The following CA1 variants were observed in gnomAD, a reference collection of about 807,000 sequenced individuals.
The protein encoded by CA1 is carbonate dehydratase I.
CA1 carries 27 observed loss-of-function variants against 28.8 expected under a neutral mutation model. The observed-to-expected ratio is 0.94, with a 90% CI of 0.69 to 1.29. The LOEUF (loss-of-function observed/expected upper bound fraction) is 1.29, where lower values mean the gene tolerates loss of function less well. CA1 is among the 50% of genes most tolerant of loss of function. The pLI is 0.00. For synonymous variants in CA1, 121 were observed against 108.8 expected, an observed-to-expected ratio of 1.11 and a Z score of -0.70; for missense variants, 335 against 310.5, an observed-to-expected ratio of 1.08 and a Z score of -0.59.
intron 1 of CA1, among the ~76,000 whole-genome samples, chr8:85,349,245 A>T (rs942032745): frequency 5.9e-5 from 9 of 152,174 alleles, no homozygotes; most frequent in Non-Finnish European, 7.4e-5. Flanking sequence ...TGTAACTTTT[A>T]AGAAGTTCGG....
intron 1 of CA1, among the ~76,000 whole-genome samples, chr8:85,372,161 C>T (rs769430520): frequency 9.2e-5 from 14 of 151,974 alleles, no homozygotes; most frequent in Non-Finnish European, 1.6e-4. Flanking sequence ...AAATCATGGA[C>T]GATGGACCAT....
intron 1 of CA1, among the ~76,000 whole-genome samples, chr8:85,363,679 A>G (rs1013557618): frequency 3.9e-5 from 6 of 152,010 alleles, no homozygotes; most frequent in Non-Finnish European, 7.4e-5. Context: ...TTTCATCACC[A>G]TTGCCTCTTA....
intron 1 of CA1, among the ~76,000 whole-genome samples, chr8:85,346,033 A>G (rs1465337013): frequency 2.0e-5 from 3 of 152,170 alleles, no homozygotes; most frequent in Admixed American, 6.5e-5. Flanking sequence ...TTTTTAACAC[A>G]GTTGTTAAAT....
At chr8:85,365,934 C>T (rs1180451188) in intron 1 of CA1, among the ~76,000 whole-genome samples, 1 of 152,066 alleles carries the variant, frequency 6.6e-6, no homozygotes, top group African/African-American at 2.4e-5. Context: ...TGATGTTTTG[C>T]CCTGGGATAA....
chr8:85,358,209 G>A (rs1459670498), intron 1 of CA1, among the ~76,000 whole-genome samples: 6 of 152,074 alleles, frequency 3.9e-5, no homozygotes, highest in African/African-American at 1.4e-4. Context: ...CCAAGGTTGA[G>A]GTATGGCCAG....
chr8:85,341,833 T>A (rs1496531), intron 1 of CA1, 174 bp from the exon 2 acceptor site: 296,166 of 540,642 alleles, frequency 0.55, 84,099 homozygotes, highest in Non-Finnish European at 0.6. Flanking sequence ...TTGTAAAAAA[T>A]TCTACAAGGG....
chr8:85,368,692 T>A (rs1020824937), intron 1 of CA1, among the ~76,000 whole-genome samples: 1 of 152,152 alleles, frequency 6.6e-6, no homozygotes, highest in African/African-American at 2.4e-5. Flanking sequence ...ATTAAACTTT[T>A]TTTTGGAGAA....
At chr8:85,359,801 A>G (rs1316176426) in intron 1 of CA1, among the ~76,000 whole-genome samples, 3 of 152,238 alleles carry the variant, frequency 2.0e-5, no homozygotes, top group Non-Finnish European at 4.4e-5. Context: ...AAATGTGGGC[A>G]TGTATCTTAT....
chr8:85,334,829 A>G (rs1350071679), intron 4 of CA1, among the ~76,000 whole-genome samples: 1 of 150,608 alleles, frequency 6.6e-6, no homozygotes, highest in Non-Finnish European at 1.5e-5. Flanking sequence ...CATCTCTACT[A>G]AAAATACAAA....
chr8:85,338,167 T>C (rs1197719921), intron 3 of CA1, 85 bp downstream of exon 3: 38 of 1,105,414 alleles, frequency 3.4e-5, no homozygotes, highest in Admixed American at 5.1e-5. Context: ...AGACTTAGAA[T>C]GGGTGTCATA....
At chr8:85,353,462 G>T (rs1177610584) in intron 1 of CA1, among the ~76,000 whole-genome samples, 1 of 151,478 alleles carries the variant, frequency 6.6e-6, no homozygotes, top group Non-Finnish European at 1.5e-5. Flanking sequence ...CATATACATG[G>T]GTATAACTGC....
intron 1 of CA1, among the ~76,000 whole-genome samples, chr8:85,349,588 A>G (rs933618668): frequency 2.0e-5 from 3 of 152,146 alleles, no homozygotes; most frequent in African/African-American, 4.8e-5. Flanking sequence ...TGGGGTATGG[A>G]CCACCATTAT....
At chr8:85,339,002 C>T (rs1808803337) in intron 2 of CA1, among the ~76,000 whole-genome samples, 1 of 152,056 alleles carries the variant, frequency 6.6e-6, no homozygotes, top group African/African-American at 2.4e-5. Context: ...AAGCATGAGC[C>T]ACTGCACCCG....
chr8:85,356,017 A>T (rs1260156872), intron 1 of CA1, among the ~76,000 whole-genome samples: 1 of 152,164 alleles, frequency 6.6e-6, no homozygotes, highest in African/African-American at 2.4e-5. Context: ...TGAAATTGAA[A>T]TATTTTGTCA....
At chr8:85,334,561 C>A (rs1808558128) in intron 4 of CA1, among the ~76,000 whole-genome samples, 1 of 151,958 alleles carries the variant, frequency 6.6e-6, no homozygotes, top group Non-Finnish European at 1.5e-5. Flanking sequence ...CTTATTTAAT[C>A]TCTCTTCTTC....
chr8:85,334,474 C>A (rs1394581596), intron 4 of CA1, among the ~76,000 whole-genome samples: 1 of 152,058 alleles, frequency 6.6e-6, no homozygotes, highest in African/African-American at 2.4e-5. Context: ...AACTCAAATG[C>A]CACTCCTTAA....
chr8:85,376,517 A>G (rs1412896016), intron 1 of CA1, among the ~76,000 whole-genome samples: 1 of 149,984 alleles, frequency 6.7e-6, no homozygotes, highest in Non-Finnish European at 1.5e-5. Context: ...CAAAAATTAG[A>G]CGGGCGTGGT....
intron 3 of CA1, 114 bp from the exon 4 acceptor site, chr8:85,337,177 A>G (rs954651309): frequency 1.2e-5 from 9 of 750,522 alleles, no homozygotes; most frequent in Non-Finnish European, 2.2e-5. Context: ...AACAAACATT[A>G]GTGCCTAAAC....
chr8:85,361,636 T>G (rs1351876689), intron 1 of CA1, among the ~76,000 whole-genome samples: 1 of 152,134 alleles, frequency 6.6e-6, no homozygotes, highest in Non-Finnish European at 1.5e-5. Flanking sequence ...ATCACACCAC[T>G]GCATTCCCTG....
Sources: gnomAD v4.1 joint callset for allele counts (sites outside exome capture counted in the v4.1 genomes callset) on GRCh38, gnomAD v4.1.1 for gene constraint, MANE v1.5 for transcripts, NCBI Gene and HGNC (gene_info 2026-07-23, HGNC 2026-07-21) for gene names.